NPSR1: variants seen among roughly 807,000 people sequenced by gnomAD.
NPSR1 encodes the protein neuropeptide S receptor.
In NPSR1, 48 loss-of-function variants were observed where a neutral mutation model predicts 46.9. The ratio of observed to expected loss-of-function variants is 1.02; its 90% CI spans 0.81 to 1.30. NPSR1 has a LOEUF of 1.30. Ranked by LOEUF, NPSR1 falls within the 50% of genes most tolerant of loss-of-function variation. NPSR1 has a pLI of 0.00. For missense variants in NPSR1, 450 were observed against 449.5 expected, an observed-to-expected ratio of 1.00 and a Z score of -0.01; for synonymous variants, 176 against 168.1, an observed-to-expected ratio of 1.05 and a Z score of -0.36.
At chr7:34,692,634 C>T (rs1358427659) in intron 2 of NPSR1, among the ~76,000 whole-genome samples, 2 of 151,798 alleles carry the variant, frequency 1.3e-5, no homozygotes, top group East Asian at 3.9e-4. Flanking sequence ...CATTACACCT[C>T]TAAGGAACAA....
intron 2 of NPSR1, among the ~76,000 whole-genome samples, chr7:34,772,180 C>T (rs1171091931): frequency 1.3e-5 from 2 of 152,202 alleles, no homozygotes; most frequent in African/African-American, 4.8e-5. Flanking sequence ...ATACCCTGAG[C>T]TCCTTCTGTT....
At chr7:34,699,377 C>T (rs952257924) in intron 2 of NPSR1, among the ~76,000 whole-genome samples, 3 of 152,186 alleles carry the variant, frequency 2.0e-5, no homozygotes, top group African/African-American at 7.2e-5. Flanking sequence ...TTAATGCATT[C>T]CTGCAATGCT....
intron 2 of NPSR1, among the ~76,000 whole-genome samples, chr7:34,744,104 G>A (rs189933581): frequency 7.3e-4 from 111 of 152,124 alleles, no homozygotes; most frequent in Non-Finnish European, 2.5e-4. Context: ...AGTTCTGGTG[G>A]TGGATTTATC....
intron 2 of NPSR1, chr7:34,750,870 T>A: frequency 2.8e-6 from 2 of 702,954 alleles, no homozygotes; most frequent in Non-Finnish European, 5.4e-6. Flanking sequence ...GGTGATGATG[T>A]AGGAGAAGAA....
intron 2 of NPSR1, among the ~76,000 whole-genome samples, chr7:34,692,930 C>T (rs536202165): frequency 6.6e-6 from 1 of 152,250 alleles, no homozygotes; most frequent in South Asian, 2.1e-4. Context: ...TACAATCCCC[C>T]CGTGTTGGAG....
chr7:34,763,543 A>G (rs1172915374), intron 2 of NPSR1, among the ~76,000 whole-genome samples: 2 of 152,216 alleles, frequency 1.3e-5, no homozygotes, highest in South Asian at 2.1e-4. Context: ...TTCATGTATT[A>G]TAGGTACTAT....
chr7:34,806,224 T>A (rs955693703), intron 3 of NPSR1, among the ~76,000 whole-genome samples: 3 of 152,094 alleles, frequency 2.0e-5, no homozygotes, highest in African/African-American at 7.2e-5. Flanking sequence ...AGAAGAATGT[T>A]TATTGTAGCT....
chr7:34,725,099 TCACACACACACA>T (rs56880784), intron 2 of NPSR1, among the ~76,000 whole-genome samples: 2 of 146,532 alleles, frequency 1.4e-5, no homozygotes, highest in South Asian at 4.4e-4. Flanking sequence ...ACACACAGAC[TCACACACACACA>T]CACACACACA....
intron 1 of NPSR1, among the ~76,000 whole-genome samples, chr7:34,683,474 G>A (rs1242077926): frequency 6.6e-6 from 1 of 151,762 alleles, no homozygotes; most frequent in Non-Finnish European, 1.5e-5. Flanking sequence ...TTCTTAGAAG[G>A]ACTGTCAGAT....
At chr7:34,832,878 C>T (rs1790183027) in intron 5 of NPSR1, among the ~76,000 whole-genome samples, 1 of 152,118 alleles carries the variant, frequency 6.6e-6, no homozygotes, top group African/African-American at 2.4e-5. Flanking sequence ...AAGAAGTTTC[C>T]CTGTTCTAGC....
chr7:34,774,572 G>C lies in NPSR1; in HGVS notation c.281-3890G>C, dbSNP rs324977. On this transcript the variant is annotated intron_variant, in intron 2 of 8. Transcript: ENST00000360581. ...CAAGGCTCAGCAACATTCTAGGAAG[G>C]GTTTCTCAAAAGGTGTATAACTTTG... Among the ~76,000 whole-genome samples, 966 of 152,186 alleles carry C rather than the reference G, an allele frequency of 6.3e-3. 5 individuals are homozygous for C. Among genetic ancestry groups the C allele is most frequent in the African/African-American group, 0.022 (914 of 41,508 alleles).
At chr7:34,760,949 G>A (rs913235705) in intron 2 of NPSR1, among the ~76,000 whole-genome samples, 1 of 152,174 alleles carries the variant, frequency 6.6e-6, no homozygotes, top group African/African-American at 2.4e-5. Context: ...ACTCAGCATA[G>A]CAGTCATCAT....
intron 2 of NPSR1, among the ~76,000 whole-genome samples, chr7:34,747,183 C>T (rs561397407): frequency 6.7e-6 from 1 of 150,188 alleles, no homozygotes; most frequent in African/African-American, 2.4e-5. Context: ...AACCCTAAGG[C>T]AGACACTGAA....
chr7:34,696,415 AAT>A, intron 2 of NPSR1, among the ~76,000 whole-genome samples: 1 of 152,232 alleles, frequency 6.6e-6, no homozygotes, highest in Middle Eastern at 3.4e-3. Context: ...CACTAGTTAC[AAT>A]ATGTTACAAT....
At chr7:34,844,372 A>C (rs1790675125) in intron 6 of NPSR1, among the ~76,000 whole-genome samples, 1 of 152,200 alleles carries the variant, frequency 6.6e-6, no homozygotes. Flanking sequence ...CATGAAAAAA[A>C]TGTATATCCA....
chr7:34,824,887 C>T (rs952176506), intron 4 of NPSR1, among the ~76,000 whole-genome samples: 1 of 152,022 alleles, frequency 6.6e-6, no homozygotes, highest in Non-Finnish European at 1.5e-5. Flanking sequence ...AGAAGAACCC[C>T]CTCCAGTCCT....
intron 1 of NPSR1, among the ~76,000 whole-genome samples, chr7:34,669,568 C>CA (rs540666804): frequency 0.17 from 22,902 of 133,480 alleles, 2,366 homozygotes; most frequent in African/African-American, 0.32. Flanking sequence ...GACTCTGTTT[C>CA]AAAAAAAAAA....
intron 1 of NPSR1, among the ~76,000 whole-genome samples, chr7:34,660,688 C>T (rs1791411334): frequency 6.6e-6 from 1 of 152,242 alleles, no homozygotes; most frequent in African/African-American, 2.4e-5. Context: ...CATAGCAAGA[C>T]TCACTTAGCA....
At chr7:34,862,215 G>T (rs913966497) in intron 8 of NPSR1, among the ~76,000 whole-genome samples, 1 of 151,710 alleles carries the variant, frequency 6.6e-6, no homozygotes, top group Non-Finnish European at 1.5e-5. Flanking sequence ...AAGCAAGAGC[G>T]TAATTGCGGG....
Sources: allele counts gnomAD v4.1 joint callset (sites outside exome capture counted in the v4.1 genomes callset), GRCh38; gene constraint gnomAD v4.1.1; transcripts MANE v1.5; gene names NCBI Gene and HGNC (gene_info 2026-07-23, HGNC 2026-07-21).